ABAT: variants seen among roughly 807,000 people sequenced by gnomAD.
ABAT encodes 4-aminobutyrate aminotransferase, mitochondrial.
Under a neutral mutation model 64.6 loss-of-function variants are expected in ABAT, and 45 were observed. That is an observed-to-expected ratio of 0.70 (90% CI 0.55 to 0.89). The LOEUF (loss-of-function observed/expected upper bound fraction) is 0.89. ABAT is among the 40% of genes least tolerant of loss of function. The pLI is 0.00. For missense variants in ABAT, 633 were observed against 658.4 expected (o/e 0.96, Z 0.42); for synonymous variants, 297 against 250.5 (o/e 1.19, Z -1.75).
At chr16:8,678,889 A>T (rs1050480608) in intron 1 of ABAT, among the ~76,000 whole-genome samples, 7 of 152,046 alleles carry the variant, frequency 4.6e-5, no homozygotes, top group African/African-American at 9.7e-5. Context: ...ATTTTTTTTT[A>T]AATGTAAATA....
intron 1 of ABAT, among the ~76,000 whole-genome samples, chr16:8,691,878 A>G (rs1304413785): frequency 1.3e-5 from 2 of 152,224 alleles, no homozygotes; most frequent in East Asian, 1.9e-4. Flanking sequence ...GCAACAAAGA[A>G]TTACCTGGCC....
chr16:8,726,910 T>G (rs1009774862), intron 1 of ABAT, among the ~76,000 whole-genome samples: 4 of 152,344 alleles, frequency 2.6e-5, no homozygotes, highest in African/African-American at 9.6e-5. Context: ...GACAGCTCTT[T>G]GTAGTTTTGA....
chr16:8,776,328 C>T lies in ABAT; in HGVS notation c.1123-16C>T, dbSNP rs765536692. Reference sequence around the variant, plus strand: ...GCATGTGTGTGAAGCCTTCCAACACCCGTTCCTCATTCCAGCCCTACCGGA... The same window carrying T: ...GCATGTGTGTGAAGCCTTCCAACACTCGTTCCTCATTCCAGCCCTACCGGA... On this transcript the variant is annotated splice_polypyrimidine_tract_variant and intron_variant, in intron 13 of 15. Coordinates refer to ENST00000268251, the MANE Select transcript of ABAT (RefSeq NM_020686.6). This position sits in a 1 kb window ranked among gnomAD's most constrained non-coding sequence, Gnocchi z 4.4. The T allele has an allele frequency of 2.5e-6, 4 of 1,614,118 alleles. No homozygotes were observed. Among genetic ancestry groups the T allele is most frequent in the Non-Finnish European group, 3.4e-6 (4 of 1,180,018 alleles).
At chr16:8,700,960 GTGTCACTCTGTC>G (rs2057809308) in intron 1 of ABAT, among the ~76,000 whole-genome samples, 1 of 147,616 alleles carries the variant, frequency 6.8e-6, no homozygotes, top group Admixed American at 6.9e-5. Context: ...TTGAGATGGA[GTGTCACTCTGTC>G]TGTCACTCAG....
At chr16:8,720,521 G>A (rs1356615566) in intron 1 of ABAT, among the ~76,000 whole-genome samples, 2 of 152,230 alleles carry the variant, frequency 1.3e-5, no homozygotes, top group African/African-American at 4.8e-5. Flanking sequence ...CCATGCGGAG[G>A]GGAAAGTCAG....
chr16:8,722,890 T>C (rs1470409299), intron 1 of ABAT: 2 of 1,286,514 alleles, frequency 1.6e-6, no homozygotes. Context: ...CTCAGTAATA[T>C]GGAACTCTTA....
At chr16:8,749,554 A>G (rs1274508706) in intron 4 of ABAT, among the ~76,000 whole-genome samples, 3 of 150,434 alleles carry the variant, frequency 2.0e-5, no homozygotes, top group African/African-American at 7.4e-5. Flanking sequence ...GCCCGCCACT[A>G]TGCCCGGCTA....
At chr16:8,740,150 G>A (rs1471510132) in intron 2 of ABAT, among the ~76,000 whole-genome samples, 1 of 152,140 alleles carries the variant, frequency 6.6e-6, no homozygotes, top group African/African-American at 2.4e-5. Flanking sequence ...CAGAGCTGAT[G>A]AGCGGCTGAG....
chr16:8,732,811 C>T (rs2058774338), intron 1 of ABAT, among the ~76,000 whole-genome samples: 1 of 149,834 alleles, frequency 6.7e-6, no homozygotes, highest in African/African-American at 2.5e-5. Flanking sequence ...GGCAGAGGCG[C>T]CCCTCACCTC....
At chr16:8,765,414 A>G (rs756571732) in intron 8 of ABAT, among the ~76,000 whole-genome samples, 3 of 151,854 alleles carry the variant, frequency 2.0e-5, no homozygotes, top group Non-Finnish European at 4.4e-5. Context: ...TTGTAATCCC[A>G]GCACTTCGGG....
intron 3 of ABAT, among the ~76,000 whole-genome samples, chr16:8,747,502 A>G (rs2142660339): frequency 6.6e-6 from 1 of 152,138 alleles, no homozygotes; most frequent in East Asian, 1.9e-4. Flanking sequence ...AATTCTTGGA[A>G]TACTTTTTCA....
chr16:8,723,308 A>G (rs979240701), intron 1 of ABAT, among the ~76,000 whole-genome samples: 25 of 152,194 alleles, frequency 1.6e-4, no homozygotes, highest in Admixed American at 5.2e-4. Context: ...GATGATGGCA[A>G]GTTGGACCAG....
rs2060257259 is a variant in ABAT at position 8,776,117 on chromosome 16, G to A, written c.1123-227G>A. Among the ~76,000 whole-genome samples the A allele has an allele frequency of 1.3e-5, 2 of 152,178 alleles. No individual in the cohort carries two copies. Among genetic ancestry groups the A allele is most frequent in the South Asian group, 2.1e-4 (1 of 4,828 alleles). On this transcript the variant is annotated intron_variant, in intron 13 of 15. Transcript: ENST00000268251. The surrounding 1 kb of genome is among the most constrained non-coding windows in gnomAD (Gnocchi z 4.4). ...GTCCTCCCCATAGCAGTTCCTACAT[G>A]CAGGGCTGCTGTTGGAAGAATTCAG... is the stretch of plus-strand genomic sequence containing the variant.
At chr16:8,706,819 CA>C (rs1485464600) in intron 1 of ABAT, among the ~76,000 whole-genome samples, 2 of 152,194 alleles carry the variant, frequency 1.3e-5, no homozygotes, top group African/African-American at 4.8e-5. Context: ...TGTATATCCA[CA>C]AGAAGGTTTA....
chr16:8,738,617 T>G lies in ABAT; in HGVS notation c.70+2808T>G, dbSNP rs865880367. Among the ~76,000 whole-genome samples the G allele has an allele frequency of 2.0e-4, 23 of 116,754 alleles. 1 individual carries two copies. The highest frequency in any genetic ancestry group is 6.2e-4 in the African/African-American group (15 of 24,010). 76.6% of individuals were successfully genotyped at this position (116,754 alleles called of 152,430 possible). A position where few individuals can be genotyped will look rare whatever the true frequency, so the allele number is the denominator to read the frequency against. On this transcript the variant is annotated intron_variant, in intron 2 of 15. Transcript: ENST00000268251. ...TTTTTCTTTTTTGTTTTTGTTTTTG[T>G]TTTTGTTTTTGTTTTTTTTTTGGTG... is the stretch of plus-strand genomic sequence containing the variant.
At chr16:8,747,508 T>A (rs2059367728) in intron 3 of ABAT, among the ~76,000 whole-genome samples, 1 of 152,166 alleles carries the variant, frequency 6.6e-6, no homozygotes, top group African/African-American at 2.4e-5. Flanking sequence ...TGGAATACTT[T>A]TTCATATTCT....
At chr16:8,721,780 T>C (rs1170055617) in intron 1 of ABAT, among the ~76,000 whole-genome samples, 1 of 152,206 alleles carries the variant, frequency 6.6e-6, no homozygotes, top group Non-Finnish European at 1.5e-5. Flanking sequence ...GAACTCGGCC[T>C]CTTAGCTCAT....
At chr16:8,778,307 C>T (rs1040888706) in intron 14 of ABAT, among the ~76,000 whole-genome samples, 1 of 152,156 alleles carries the variant, frequency 6.6e-6, no homozygotes, top group African/African-American at 2.4e-5. Context: ...AGAGTTGGCT[C>T]CTTCTCGAGG....
chr16:8,758,237 AG>A (rs1418049012), intron 6 of ABAT, among the ~76,000 whole-genome samples: 1 of 152,200 alleles, frequency 6.6e-6, no homozygotes, highest in Non-Finnish European at 1.5e-5. Context: ...AGAGTGGTTA[AG>A]TATTTGCCCG....
Sources: allele counts gnomAD v4.1 joint callset (sites outside exome capture counted in the v4.1 genomes callset), GRCh38; gene constraint gnomAD v4.1.1; non-coding constraint Gnocchi (gnomAD v3.1); transcripts MANE v1.5; gene names NCBI Gene and HGNC (gene_info 2026-07-23, HGNC 2026-07-21).